The following CLIP4 variants were observed in gnomAD, a reference collection of about 807,000 sequenced individuals.
CLIP4 encodes CAP-Gly domain-containing linker protein 4.
A neutral mutation model predicts 73.1 loss-of-function variants in CLIP4; 47 were observed. That is an observed-to-expected ratio of 0.64 (90% CI 0.51 to 0.82). The LOEUF (loss-of-function observed/expected upper bound fraction) is 0.82. Among genes scored for constraint, CLIP4 ranks in the 40% least tolerant of loss-of-function variants. The pLI, the probability that CLIP4 is intolerant of heterozygous loss-of-function variation, is 0.00. For missense variants in CLIP4, 874 were observed against 852.9 expected, an observed-to-expected ratio of 1.02 and a Z score of -0.31; for synonymous variants, 306 against 295.4, an observed-to-expected ratio of 1.04 and a Z score of -0.37.
intron 1 of CLIP4, among the ~76,000 whole-genome samples, chr2:29,117,369 C>G (rs1490219223): frequency 6.7e-6 from 1 of 149,074 alleles, no homozygotes; most frequent in Non-Finnish European, 1.5e-5. Context: ...GACGGAGTCT[C>G]GCTCTGCTCT....
chr2:29,163,922 T>C lies in CLIP4; in HGVS notation c.1626T>C (p.Tyr542=), dbSNP rs113452443. 11 of 1,613,398 alleles carry C rather than the reference T, an allele frequency of 6.8e-6. No homozygotes were observed. Among genetic ancestry groups the C allele is most frequent in the South Asian group, 6.6e-5 (6 of 90,970 alleles). The change falls in exon 13 of 16, where the codon TAT becomes TAC. Residue 542 remains tyrosine, a synonymous_variant. Transcript: ENST00000320081. ...AGTATTTTAGCTGTTCTCCAAGATATGGAATATTTGCTCCCCCATCCAGGG... is the reference window on the plus strand; with the variant it reads ...AGTATTTTAGCTGTTCTCCAAGATACGGAATATTTGCTCCCCCATCCAGGG... The part of the protein sequence containing the change: ...GVQYFSCSPR[Y]GIFAPPSRVQ...
intron 8 of CLIP4, 71 bp from the exon 9 acceptor site, chr2:29,152,614 A>T (rs1666648254): frequency 6.7e-7 from 1 of 1,488,620 alleles, no homozygotes; most frequent in East Asian, 2.3e-5. Flanking sequence ...TATGTTACTA[A>T]TTAGTTGTAC....
chr2:29,147,942 T>G (rs899947425), intron 8 of CLIP4, among the ~76,000 whole-genome samples: 3 of 152,138 alleles, frequency 2.0e-5, no homozygotes, highest in Non-Finnish European at 1.5e-5. Flanking sequence ...TCAAGCAGAT[T>G]AAGGGCAGGA....
At chr2:29,133,517 A>T (rs1050656117) in intron 4 of CLIP4, 138 bp from the exon 5 acceptor site, 2 of 663,094 alleles carry the variant, frequency 3.0e-6, no homozygotes, top group Non-Finnish European at 4.8e-6. Flanking sequence ...CTTAGGATCA[A>T]TTCTTGCAAG....
chr2:29,142,530 T>C (rs1430736720), intron 6 of CLIP4, among the ~76,000 whole-genome samples: 3 of 152,194 alleles, frequency 2.0e-5, no homozygotes, highest in Non-Finnish European at 1.5e-5. Context: ...CACATATCTT[T>C]ATTGTATTTT....
chr2:29,151,763 A>G (rs1045056479), intron 8 of CLIP4, among the ~76,000 whole-genome samples: 16 of 152,164 alleles, frequency 1.1e-4, no homozygotes, highest in African/African-American at 3.9e-4. Context: ...AGAGTGTAAT[A>G]TACATATTAT....
intron 12 of CLIP4, among the ~76,000 whole-genome samples, chr2:29,162,038 G>A (rs114933650): frequency 1.2e-3 from 181 of 152,198 alleles, no homozygotes; most frequent in African/African-American, 4.2e-3. Flanking sequence ...GATTAGTTAG[G>A]ATATACTTAA....
At chr2:29,171,510 G>A (rs1421709208) in intron 14 of CLIP4, among the ~76,000 whole-genome samples, 1 of 147,900 alleles carries the variant, frequency 6.8e-6, no homozygotes, top group Non-Finnish European at 1.5e-5. Context: ...ATGGCATATA[G>A]TTAGGTTTTC....
At chr2:29,099,260 A>G in intron 1 of CLIP4, among the ~76,000 whole-genome samples, 1 of 152,320 alleles carries the variant, frequency 6.6e-6, no homozygotes, top group East Asian at 1.9e-4. Flanking sequence ...TGTTGTATCT[A>G]AAAAGTCATC....
Position 29,160,330 on chromosome 2 carries a change from C to G in CLIP4, c.1400-3C>G. ...CCCCTGTATCCCTCCCTGACTTAAA[C>G]AGGTTTGAATTCCTCAGCAACATCT... On this transcript the variant is annotated splice_polypyrimidine_tract_variant and splice_region_variant and intron_variant, in intron 11 of 15. Coordinates refer to ENST00000320081, the MANE Select transcript of CLIP4 (RefSeq NM_024692.6). The G allele has an allele frequency of 1.9e-6, 3 of 1,613,982 alleles. No homozygotes were observed. The highest frequency in any genetic ancestry group is 2.5e-6 in the Non-Finnish European group (3 of 1,179,954).
At chr2:29,149,420 T>TC (rs1256592157) in intron 8 of CLIP4, among the ~76,000 whole-genome samples, 1 of 151,484 alleles carries the variant, frequency 6.6e-6, no homozygotes, top group Non-Finnish European at 1.5e-5. Flanking sequence ...CTTTTTTTTT[T>TC]TTTTCTTTAG....
At chr2:29,139,003 TG>T (rs1665572280) in intron 6 of CLIP4, among the ~76,000 whole-genome samples, 2 of 152,280 alleles carry the variant, frequency 1.3e-5, no homozygotes, top group South Asian at 4.1e-4. Flanking sequence ...TTCTTTTTCT[TG>T]CCTAATTACT....
intron 1 of CLIP4, among the ~76,000 whole-genome samples, chr2:29,098,453 T>C (rs1667942596): frequency 6.6e-6 from 1 of 152,206 alleles, no homozygotes; most frequent in African/African-American, 2.4e-5. Flanking sequence ...CATTTTACGG[T>C]CTCCATTGTT....
intron 12 of CLIP4, among the ~76,000 whole-genome samples, chr2:29,162,141 A>G (rs1667334739): frequency 6.6e-6 from 1 of 152,214 alleles, no homozygotes; most frequent in South Asian, 2.1e-4. Flanking sequence ...GATGTTATTA[A>G]ACCAAGATAG....
At chr2:29,107,358 G>GTTTTTTTTTGTTT (rs1558504865) in intron 1 of CLIP4, among the ~76,000 whole-genome samples, 6 of 65,360 alleles carry the variant, frequency 9.2e-5, no homozygotes, top group Non-Finnish European at 1.5e-4. Context: ...GAACATGATA[G>GTTTTTTTTTGTTT]TTTTTTTTTT....
At chr2:29,112,494 T>A (rs1668408106), upstream of CLIP4, among the ~76,000 whole-genome samples, 1 of 152,238 alleles carries the variant, frequency 6.6e-6, no homozygotes, top group Non-Finnish European at 1.5e-5. Flanking sequence ...TTGTTAAACT[T>A]TATTGTTATT....
At position 29,137,970 on chromosome 2, in the gene CLIP4, T is replaced by C. The variant is rs558250751; in HGVS notation, c.648+2304T>C. ...TTCTGTAGGTTGTCTGTTTACTCTGTTGATAGTTTCTTTTGCTGTGCAGAA... is the reference window on the plus strand; with the variant it reads ...TTCTGTAGGTTGTCTGTTTACTCTGCTGATAGTTTCTTTTGCTGTGCAGAA... On this transcript the variant is annotated intron_variant, in intron 6 of 15. Coordinates refer to ENST00000320081, the MANE Select transcript of CLIP4 (RefSeq NM_024692.6). Among the ~76,000 whole-genome samples, 20 of 152,222 alleles carry C rather than the reference T, an allele frequency of 1.3e-4. No homozygotes were observed. In the South Asian group the frequency reaches 3.9e-3, roughly 30 times the overall value.
intron 9 of CLIP4, among the ~76,000 whole-genome samples, chr2:29,155,342 AAAG>A (rs1174955825): frequency 1.3e-5 from 2 of 152,150 alleles, no homozygotes; most frequent in Non-Finnish European, 2.9e-5. Flanking sequence ...AAACAAATGA[AAAG>A]AAAGTTTCAG....
intron 2 of CLIP4, among the ~76,000 whole-genome samples, chr2:29,129,124 T>C (rs1160621369): frequency 6.6e-6 from 1 of 152,202 alleles, no homozygotes; most frequent in Non-Finnish European, 1.5e-5. Flanking sequence ...TTGTTTTTCT[T>C]GCTGAGAAAT....
Sources: gnomAD v4.1 joint callset for allele counts (sites outside exome capture counted in the v4.1 genomes callset) on GRCh38, gnomAD v4.1.1 for gene constraint, MANE v1.5 for transcripts, NCBI Gene and HGNC (gene_info 2026-07-23, HGNC 2026-07-21) for gene names.